NXPE2: variants seen among roughly 807,000 people sequenced by gnomAD.
The protein encoded by NXPE2 is NXPE family member 2.
NXPE2 carries 34 observed loss-of-function variants against 34.4 expected under a neutral mutation model. The ratio of observed to expected loss-of-function variants is 0.99; its 90% CI spans 0.75 to 1.31. The LOEUF (loss-of-function observed/expected upper bound fraction) is 1.31. NXPE2 is among the 40% of genes most tolerant of loss of function. NXPE2 has a pLI of 0.00. For synonymous variants in NXPE2, 235 were observed against 231.3 expected (o/e 1.02, Z -0.15); for missense variants, 649 against 672.5 (o/e 0.97, Z 0.39).
chr11:114,595,548 C>A, the NXPE2 span: 1 of 152,278 alleles, frequency 6.6e-6, no homozygotes. Context: ...AAATAAATGT[C>A]ACACCTTTCC....
the NXPE2 span, among the ~76,000 whole-genome samples, chr11:114,612,318 C>G: frequency 2.6e-5 from 4 of 151,938 alleles, no homozygotes; most frequent in South Asian, 8.3e-4. Context: ...CAGGTAACCA[C>G]TGTTACCTGG....
chr11:114,622,757 G>T, the NXPE2 span, among the ~76,000 whole-genome samples: 1 of 151,626 alleles, frequency 6.6e-6, no homozygotes. Flanking sequence ...CAGCGGATAA[G>T]TGTTGCCTCA....
chr11:114,669,960 G>A, the NXPE2 span, among the ~76,000 whole-genome samples: 13,981 of 152,032 alleles, frequency 0.092, 765 homozygotes, highest in Middle Eastern at 0.2. Flanking sequence ...AATGGGTTAA[G>A]AGCAAGCTGG....
chr11:114,746,627 G>A, the NXPE2 span, among the ~76,000 whole-genome samples: 3 of 152,080 alleles, frequency 2.0e-5, no homozygotes, highest in Admixed American at 6.5e-5. Flanking sequence ...TGAGGTGGGC[G>A]GATCATGAGG....
chr11:114,488,879 A>G, the NXPE2 span, among the ~76,000 whole-genome samples: 2 of 152,060 alleles, frequency 1.3e-5, no homozygotes, highest in Admixed American at 6.5e-5. Context: ...TGAAGGAGAT[A>G]GAGACACAAA....
At chr11:114,806,175 C>A in the NXPE2 span, among the ~76,000 whole-genome samples, 1 of 152,122 alleles carries the variant, frequency 6.6e-6, no homozygotes, top group Non-Finnish European at 1.5e-5. Context: ...AAAGGACGTC[C>A]ACACCCAAAA....
At chr11:114,759,098 A>G in the NXPE2 span, among the ~76,000 whole-genome samples, 2 of 152,164 alleles carry the variant, frequency 1.3e-5, no homozygotes, top group Non-Finnish European at 2.9e-5. Flanking sequence ...ACATGCGCAC[A>G]CACACACACT....
At chr11:114,501,627 G>A in the NXPE2 span, among the ~76,000 whole-genome samples, 1 of 152,048 alleles carries the variant, frequency 6.6e-6, no homozygotes, top group African/African-American at 2.4e-5. Flanking sequence ...GGAATCTTTG[G>A]GACTATGAAA....
chr11:114,705,952 C>A lies in NXPE2; in HGVS notation c.1100C>A (p.Ser367Ter). ...AAACTTATTTATCTCATGGGAGATTCAACACTGCATCAGTGGATTTACTAC... is the reference window on the plus strand; with the variant it reads ...AAACTTATTTATCTCATGGGAGATTAAACACTGCATCAGTGGATTTACTAC... ...ERKLIYLMGD[S>*]TLHQWIYYLQ... Residue 367 changes from serine to a stop codon, truncating the protein, a stop_gained, in exon 5 of 6, where the codon TCA becomes TAA. Transcript: ENST00000389586. LOFTEE classifies it low-confidence loss of function (END_TRUNC). The A allele has an allele frequency of 1.3e-6, 2 of 1,527,372 alleles. No individual in the cohort carries two copies. The highest frequency in any genetic ancestry group is 1.3e-5 in the South Asian group (1 of 79,570). 94.6% of individuals were successfully genotyped at this position (1,527,372 alleles called of 1,614,324 possible). A position where few individuals can be genotyped will look rare whatever the true frequency, so the allele number is the denominator to read the frequency against.
the NXPE2 span, among the ~76,000 whole-genome samples, chr11:114,670,317 A>T: frequency 6.6e-6 from 1 of 152,028 alleles, no homozygotes; most frequent in Non-Finnish European, 1.5e-5. Flanking sequence ...GTGCATGCCC[A>T]AGCCTTTACT....
chr11:114,686,404 T>G (rs1166894757), intron 2 of NXPE2, among the ~76,000 whole-genome samples: 1 of 152,148 alleles, frequency 6.6e-6, no homozygotes, highest in African/African-American at 2.4e-5. Context: ...TCATTTAGGG[T>G]AATGTCCCCC....
chr11:114,653,025 G>A, the NXPE2 span, among the ~76,000 whole-genome samples: 1 of 152,182 alleles, frequency 6.6e-6, no homozygotes, highest in African/African-American at 2.4e-5. Flanking sequence ...GGGGGGTTCT[G>A]CTGATGTAGA....
chr11:114,654,052 A>G, the NXPE2 span, among the ~76,000 whole-genome samples: 2 of 152,190 alleles, frequency 1.3e-5, no homozygotes, highest in Non-Finnish European at 2.9e-5. Context: ...TATGTTTGGT[A>G]ATGACAATGA....
At chr11:114,521,471 T>C in the NXPE2 span, among the ~76,000 whole-genome samples, 1 of 152,224 alleles carries the variant, frequency 6.6e-6, no homozygotes, top group South Asian at 2.1e-4. Flanking sequence ...TAACAAGATG[T>C]CCAGGCTCAT....
chr11:114,709,081 G>T (rs1859563358), downstream of NXPE2, among the ~76,000 whole-genome samples: 1 of 152,062 alleles, frequency 6.6e-6, no homozygotes. Context: ...TTCTAGAATT[G>T]CACTGTACAA....
At chr11:114,691,598 C>T (rs998432631) in intron 2 of NXPE2, among the ~76,000 whole-genome samples, 1 of 152,270 alleles carries the variant, frequency 6.6e-6, no homozygotes, top group African/African-American at 2.4e-5. Flanking sequence ...TCAACCCATG[C>T]TCCCCATGCC....
chr11:114,800,080 CCTTCTATTTCTTTCCAACATT>C, the NXPE2 span, among the ~76,000 whole-genome samples: 1 of 152,090 alleles, frequency 6.6e-6, no homozygotes, highest in Admixed American at 6.6e-5. Flanking sequence ...GTGCCTAGAT[CCTTCTATTTCTTTCCAACATT>C]CTTCCAAATG....
At chr11:114,510,604 G>C in the NXPE2 span, among the ~76,000 whole-genome samples, 1 of 152,174 alleles carries the variant, frequency 6.6e-6, no homozygotes, top group Non-Finnish European at 1.5e-5. Context: ...CTAGGGTAGT[G>C]GTGAAGGAGT....
chr11:114,746,030 T>C, the NXPE2 span, among the ~76,000 whole-genome samples: 1 of 152,176 alleles, frequency 6.6e-6, no homozygotes. Flanking sequence ...TATATATCTG[T>C]AAATAAAATA....
Sources: allele counts gnomAD v4.1 joint callset (sites outside exome capture counted in the v4.1 genomes callset), GRCh38; gene constraint gnomAD v4.1.1; transcripts MANE v1.5; gene names NCBI Gene and HGNC (gene_info 2026-07-23, HGNC 2026-07-21).